Variants in UGGT2 observed in about 807,000 individuals in gnomAD.
UGGT2 encodes UDP-glucose:glycoprotein glucosyltransferase 2.
A neutral mutation model predicts 192.1 loss-of-function variants in UGGT2; 180 were observed. The observed-to-expected ratio is 0.94, with a 90% CI of 0.83 to 1.06. The LOEUF (loss-of-function observed/expected upper bound fraction) is 1.06. Ranked by LOEUF, UGGT2 falls within the 50% of genes least tolerant of loss-of-function variation. UGGT2 has a pLI of 0.00. For missense variants in UGGT2, 1,849 were observed against 1,795.7 expected (o/e 1.03, Z -0.54); for synonymous variants, 580 against 591.0 (o/e 0.98, Z 0.27).
At chr13:96,039,821 G>T (rs538894082) in intron 1 of UGGT2, among the ~76,000 whole-genome samples, 2 of 152,184 alleles carry the variant, frequency 1.3e-5, no homozygotes, top group South Asian at 4.2e-4. Flanking sequence ...CATAACAAGG[G>T]TTACCTTTCT....
At chr13:95,998,876 T>C (rs1281190287) in intron 6 of UGGT2, among the ~76,000 whole-genome samples, 1 of 152,158 alleles carries the variant, frequency 6.6e-6, no homozygotes, top group Non-Finnish European at 1.5e-5. Context: ...CCTATGCCAG[T>C]CACCTCTAGC....
intron 20 of UGGT2, among the ~76,000 whole-genome samples, chr13:95,921,813 T>C (rs2048853709): frequency 6.6e-6 from 1 of 152,096 alleles, no homozygotes; most frequent in African/African-American, 2.4e-5. Flanking sequence ...AAAAAGGGAA[T>C]GCCTAAACAC....
chr13:95,906,994 TC>T (rs2048312153), intron 20 of UGGT2, among the ~76,000 whole-genome samples: 1 of 152,184 alleles, frequency 6.6e-6, no homozygotes, highest in Non-Finnish European at 1.5e-5. Flanking sequence ...TGGGGGAATT[TC>T]CCTTTCCTAG....
chr13:96,002,749 A>G (rs1566814042), intron 5 of UGGT2, among the ~76,000 whole-genome samples: 3 of 152,350 alleles, frequency 2.0e-5, no homozygotes, highest in East Asian at 3.9e-4. Flanking sequence ...ACACTGAGGG[A>G]AAAAACACAT....
At chr13:95,833,139 A>C in intron 37 of UGGT2, 86 bp from the exon 38 acceptor site, 2 of 1,453,352 alleles carry the variant, frequency 1.4e-6, no homozygotes, top group South Asian at 1.3e-5. Flanking sequence ...CAAACAAAAT[A>C]CATTTTATAA....
chr13:95,835,719 A>T (rs958525519), intron 37 of UGGT2, among the ~76,000 whole-genome samples: 1 of 152,206 alleles, frequency 6.6e-6, no homozygotes, highest in Non-Finnish European at 1.5e-5. Context: ...CATTAAAAAC[A>T]ATATACTAGG....
intron 27 of UGGT2, 60 bp from the exon 28 acceptor site, chr13:95,877,916 G>A (rs931985375): frequency 1.1e-5 from 17 of 1,490,876 alleles, no homozygotes; most frequent in Non-Finnish European, 1.5e-5. Context: ...ACAAAATTTT[G>A]AAATAAATAA....
At chr13:95,998,207 C>T (rs977857852) in intron 6 of UGGT2, among the ~76,000 whole-genome samples, 1 of 152,110 alleles carries the variant, frequency 6.6e-6, no homozygotes, top group Non-Finnish European at 1.5e-5. Context: ...AGGTTGATGA[C>T]AGAATGCAGT....
At chr13:95,804,098 T>C (rs772514489) in intron 38 of UGGT2, among the ~76,000 whole-genome samples, 3 of 151,902 alleles carry the variant, frequency 2.0e-5, no homozygotes, top group African/African-American at 4.8e-5. Flanking sequence ...AATAGAAAGA[T>C]TGAAGATAAT....
chr13:95,877,734 T>C lies in UGGT2; in HGVS notation c.3351A>G (p.Lys1117=), dbSNP rs751279540. 59 of 1,613,936 alleles carry C rather than the reference T, an allele frequency of 3.7e-5. No homozygotes were observed. Among genetic ancestry groups the C allele is most frequent in the Non-Finnish European group, 5.0e-5 (59 of 1,179,958 alleles). Residue 1117 remains lysine, a synonymous_variant, in exon 28 of 39, where the codon AAA becomes AAG. Transcript: ENST00000376747. ...GLQFTLGTKN[K]PAVVDTIVMA... ...TCACTATTGTATCAACCACAGCAGG[T>C]TTATTTTTTGTGCCTAGTGTGAACT...
rs9590349 is a variant in UGGT2 at position 95,945,361 on chromosome 13, T to C, written c.1677+1676A>G. Among the ~76,000 whole-genome samples the C allele has an allele frequency of 9.2e-3, 1,402 of 152,182 alleles. 20 individuals are homozygous for C. Among genetic ancestry groups the C allele is most frequent in the African/African-American group, 0.032 (1,335 of 41,564 alleles). ...TAAAAACTATGCCTTGTTCAAATTATTTCTCCTTCTCCCTCTCCTTCTAAT... is the reference window on the plus strand; with the variant it reads ...TAAAAACTATGCCTTGTTCAAATTACTTCTCCTTCTCCCTCTCCTTCTAAT... On this transcript the variant is annotated intron_variant, in intron 15 of 38. Coordinates refer to ENST00000376747, the MANE Select transcript of UGGT2 (RefSeq NM_020121.4).
intron 33 of UGGT2, among the ~76,000 whole-genome samples, chr13:95,857,151 A>G (rs1344408321): frequency 6.6e-6 from 1 of 152,078 alleles, no homozygotes; most frequent in African/African-American, 2.4e-5. Flanking sequence ...TTTTTTTTAA[A>G]TGCAAGAAGC....
At position 96,053,360 on chromosome 13, in the gene UGGT2, T is replaced by C. The variant is rs1363487843; in HGVS notation, c.-48A>G. 10 of 1,550,746 alleles carry C rather than the reference T, an allele frequency of 6.4e-6. No homozygotes were observed. The highest frequency in any genetic ancestry group is 1.4e-5 in the African/African-American group (1 of 71,254). ...TCCCTCGGACCCGGTACCCACAGTC[T>C]GTGGCCGCCACGCTTCGGCCGGCTC... On this transcript the variant is annotated 5_prime_UTR_variant, in exon 1 of 39. Coordinates refer to ENST00000376747, the MANE Select transcript of UGGT2 (RefSeq NM_020121.4).
At chr13:95,826,588 ATTC>A (rs960142257) in intron 38 of UGGT2, among the ~76,000 whole-genome samples, 43 of 152,262 alleles carry the variant, frequency 2.8e-4, no homozygotes, top group African/African-American at 9.9e-4. Flanking sequence ...GTAAGAAGAT[ATTC>A]TTCAAGAGAA....
At chr13:95,853,488 G>T in intron 36 of UGGT2, 55 bp downstream of exon 36, 1 of 1,421,784 alleles carries the variant, frequency 7.0e-7, no homozygotes, top group Non-Finnish European at 9.7e-7. Flanking sequence ...TGAGCACGGA[G>T]TTGGAACAGT....
At chr13:96,034,660 T>G (rs1404709041) in intron 1 of UGGT2, among the ~76,000 whole-genome samples, 1 of 152,196 alleles carries the variant, frequency 6.6e-6, no homozygotes, top group African/African-American at 2.4e-5. Context: ...TCCTGGTATC[T>G]CCAAGCTTCC....
chr13:95,853,459 T>A, intron 36 of UGGT2, 84 bp downstream of exon 36: 1 of 1,076,104 alleles, frequency 9.3e-7, no homozygotes, highest in South Asian at 1.6e-5. Context: ...AAACTCAAAA[T>A]ATAAGACTTT....
At chr13:95,873,044 T>C (rs1891351062) in intron 29 of UGGT2, among the ~76,000 whole-genome samples, 1 of 152,140 alleles carries the variant, frequency 6.6e-6, no homozygotes, top group Admixed American at 6.5e-5. Context: ...ATACGGATAG[T>C]TGGTGGTACA....
chr13:96,020,140 A>C (rs762869134), intron 4 of UGGT2, among the ~76,000 whole-genome samples: 40 of 152,178 alleles, frequency 2.6e-4, no homozygotes, highest in Non-Finnish European at 4.0e-4. Flanking sequence ...AGGGAGGCTT[A>C]TTGGGTCCCT....
Sources: gnomAD v4.1 joint callset for allele counts (sites outside exome capture counted in the v4.1 genomes callset) on GRCh38, gnomAD v4.1.1 for gene constraint, MANE v1.5 for transcripts, NCBI Gene and HGNC (gene_info 2026-07-23, HGNC 2026-07-21) for gene names.